Variants in PTPRA observed in about 807,000 individuals in gnomAD.
The protein encoded by PTPRA is receptor-type tyrosine-protein phosphatase alpha.
PTPRA carries 25 observed loss-of-function variants against 104.8 expected under a neutral mutation model. That is an observed-to-expected ratio of 0.24 (90% CI 0.17 to 0.33). The LOEUF is 0.33. Ranked by LOEUF, PTPRA falls within the 10% of genes least tolerant of loss-of-function variation. The probability of loss-of-function intolerance (pLI) is 1.00; values close to 1 mark genes in which losing one functional copy is unlikely to be tolerated. For missense variants in PTPRA, 765 were observed against 1,015.3 expected, an observed-to-expected ratio of 0.75 and a Z score of 3.35; for synonymous variants, 323 against 368.9, an observed-to-expected ratio of 0.88 and a Z score of 1.43.
chr20:2,984,523 T>C (rs2062820300), intron 6 of PTPRA, among the ~76,000 whole-genome samples: 2 of 152,244 alleles, frequency 1.3e-5, no homozygotes, highest in South Asian at 4.1e-4. Context: ...TCTATGACAC[T>C]ACATTCTTAG....
At chr20:2,894,600 G>C (rs1391344224) in intron 1 of PTPRA, among the ~76,000 whole-genome samples, 3 of 139,510 alleles carry the variant, frequency 2.2e-5, no homozygotes. Flanking sequence ...GAGCCACTGT[G>C]CTGGCCAATT....
chr20:2,959,662 G>T (rs1345954903), intron 3 of PTPRA, among the ~76,000 whole-genome samples: 3 of 152,026 alleles, frequency 2.0e-5, no homozygotes, highest in Non-Finnish European at 4.4e-5. Context: ...AAAAAGTATG[G>T]AGAGTTCCGG....
chr20:2,913,697 T>G (rs2059801186), intron 1 of PTPRA, among the ~76,000 whole-genome samples: 4 of 152,200 alleles, frequency 2.6e-5, no homozygotes, highest in Admixed American at 1.3e-4. Context: ...CTACATAATT[T>G]CCATGTGTCC....
In PTPRA at chr20:2,964,842, TG is replaced by T; in HGVS notation, c.74-18del. 1 of 1,578,630 alleles carries T rather than the reference TG, an allele frequency of 6.3e-7. No homozygotes were observed. The highest frequency in any genetic ancestry group is 8.7e-7 in the Non-Finnish European group (1 of 1,150,432). On this transcript the variant is annotated intron_variant, in intron 4 of 23. Coordinates refer to ENST00000399903, the MANE Select transcript of PTPRA (RefSeq NM_001385305.1). ...TCACATTCTTCATGTGCTATTTCCTTGTTTTTTGGTGTTTGTAGTTGCACCT... is the reference window on the plus strand; with the variant it reads ...TCACATTCTTCATGTGCTATTTCCTTTTTTTTGGTGTTTGTAGTTGCACCT...
chr20:2,965,120 C>T lies in PTPRA; in HGVS notation c.333C>T (p.Asn111=). The part of the protein sequence containing the change: ...ISPNGTWLPD[N]QFTDARTEPW... ...CAAATGGAACGTGGCTTCCAGATAA[C>T]CAGTTCACGGATGCCAGAACAGAAC... Residue 111 remains asparagine (N), a synonymous_variant, in exon 5 of 24, where the codon AAC becomes AAT. Coordinates refer to ENST00000399903, the MANE Select transcript of PTPRA (RefSeq NM_001385305.1). 7 of 1,614,160 alleles carry T rather than the reference C, an allele frequency of 4.3e-6. No individual in the cohort carries two copies. Among genetic ancestry groups the T allele is most frequent in the Non-Finnish European group, 5.9e-6 (7 of 1,180,024 alleles).
chr20:2,870,952 G>GTGA (rs1304633061), upstream of PTPRA, among the ~76,000 whole-genome samples: 1 of 152,172 alleles, frequency 6.6e-6, no homozygotes, highest in African/African-American at 2.4e-5. Flanking sequence ...CCTTTACTCT[G>GTGA]TGATGATGAT....
rs1216353958 is a variant in PTPRA at position 3,008,748 on chromosome 20, A to C, written c.906+1328A>C. On this transcript the variant is annotated intron_variant, in intron 11 of 23. Transcript: ENST00000399903. ...TCTACTAAAAAAAAAAAAAAAACAA[A>C]AAAAAAAAAAACAACTTAGCCGGGC... Among the ~76,000 whole-genome samples the C allele has an allele frequency of 2.4e-4, 32 of 132,696 alleles. 1 individual carries two copies. Among genetic ancestry groups the C allele is most frequent in the South Asian group, 1.3e-3 (6 of 4,646 alleles). The allele number at this position is 132,696 out of a possible 152,430, so 87.1% of individuals were successfully genotyped here.
At chr20:2,903,250 G>A (rs1364364526) in intron 1 of PTPRA, among the ~76,000 whole-genome samples, 2 of 152,164 alleles carry the variant, frequency 1.3e-5, no homozygotes, top group Non-Finnish European at 2.9e-5. Context: ...CTGGTTCCAA[G>A]CATTTTGGAT....
chr20:2,872,938 G>C (rs569287927), upstream of PTPRA, among the ~76,000 whole-genome samples: 9 of 152,350 alleles, frequency 5.9e-5, no homozygotes, highest in African/African-American at 2.2e-4. This position sits in a 1 kb window ranked among gnomAD's most constrained non-coding sequence, Gnocchi z 7.9. Context: ...TGGAGCTCGG[G>C]TGGGGACGGC....
intron 16 of PTPRA, among the ~76,000 whole-genome samples, chr20:3,023,524 T>C (rs2148442942): frequency 6.6e-6 from 1 of 152,370 alleles, no homozygotes; most frequent in East Asian, 1.9e-4. Context: ...AATACTGCTC[T>C]TTACTGCACT....
At chr20:2,864,447 C>T in the PTPRA span, 1 of 1,614,172 alleles carries the variant, frequency 6.2e-7, no homozygotes, top group Non-Finnish European at 8.5e-7. The surrounding 1 kb of genome is among the most constrained non-coding windows in gnomAD (Gnocchi z 5.2). Context: ...CCATGGCCCT[C>T]AGTTTGTACC....
intron 9 of PTPRA, among the ~76,000 whole-genome samples, chr20:2,991,718 C>CAA (rs2063185774): frequency 6.6e-6 from 1 of 152,174 alleles, no homozygotes; most frequent in African/African-American, 2.4e-5. Context: ...GCTGTGCTAC[C>CAA]ATGGCAACCG....
chr20:3,028,840 GAGA>G (rs2065272700), intron 20 of PTPRA, among the ~76,000 whole-genome samples: 1 of 152,186 alleles, frequency 6.6e-6, no homozygotes, highest in Admixed American at 6.5e-5. Context: ...TGGCAGCAGT[GAGA>G]AGGACTCATT....
intron 1 of PTPRA, among the ~76,000 whole-genome samples, chr20:2,910,188 A>C (rs898463349): frequency 1.0e-5 from 1 of 99,346 alleles, no homozygotes; most frequent in South Asian, 3.0e-4. Flanking sequence ...AGTATATATG[A>C]TATATGATAT....
chr20:3,027,836 G>A lies in PTPRA; in HGVS notation c.1915G>A (p.Gly639Ser), dbSNP rs147198845. The change falls in exon 20 of 24, where the codon GGC becomes AGC. Residue 639 changes from glycine to serine, a missense_variant. Physicochemically the swap from Gly to Ser is moderately conservative, Grantham distance 56. Transcript: ENST00000399903. The stretch of plus-strand genomic sequence containing the variant: ...GATGCTAACAGAACTGGAGGAGAGA[G>A]GCCAGGTGAGTTCAAAAGGTCCTGG... ...IVMLTELEER[G>S]QEKCAQYWPS... is the part of the protein sequence containing the mutation. The A allele has an allele frequency of 7.4e-6, 12 of 1,614,086 alleles. No individual in the cohort carries two copies. In the East Asian group the frequency reaches 8.9e-5, roughly 12 times the overall value.
At chr20:2,882,874 T>C (rs2090138059) in intron 1 of PTPRA, among the ~76,000 whole-genome samples, 1 of 152,200 alleles carries the variant, frequency 6.6e-6, no homozygotes, top group Non-Finnish European at 1.5e-5. Context: ...TGATGAGTTT[T>C]GCATTTTTCT....
intron 3 of PTPRA, among the ~76,000 whole-genome samples, chr20:2,949,264 G>A (rs148202759): frequency 1.3e-5 from 2 of 148,458 alleles, no homozygotes; most frequent in East Asian, 4.0e-4. Context: ...AAGTTACCCT[G>A]TTATTTCCAA....
chr20:3,011,042 G>T (rs920417042), intron 11 of PTPRA, among the ~76,000 whole-genome samples: 1 of 152,260 alleles, frequency 6.6e-6, no homozygotes, highest in Non-Finnish European at 1.5e-5. Context: ...TGTTAAGGCT[G>T]TTAAGCAGCT....
chr20:2,972,685 A>T (rs1305700989), intron 5 of PTPRA, among the ~76,000 whole-genome samples: 3 of 151,584 alleles, frequency 2.0e-5, no homozygotes, highest in Non-Finnish European at 4.4e-5. Context: ...TTGTTTTGCT[A>T]CATGGAAAGG....
Sources: allele counts gnomAD v4.1 joint callset (sites outside exome capture counted in the v4.1 genomes callset), GRCh38; gene constraint gnomAD v4.1.1; non-coding constraint Gnocchi (gnomAD v3.1); transcripts MANE v1.5; gene names NCBI Gene and HGNC (gene_info 2026-07-23, HGNC 2026-07-21).